CMYA5: variants seen among roughly 807,000 people sequenced by gnomAD.
CMYA5 encodes the protein cardiomyopathy-associated protein 5.
Under a neutral mutation model 318.9 loss-of-function variants are expected in CMYA5, and 246 were observed. That is an observed-to-expected ratio of 0.77 (90% CI 0.70 to 0.86). The LOEUF is 0.86. Among genes scored for constraint, CMYA5 ranks in the 40% least tolerant of loss-of-function variants. CMYA5 has a pLI of 0.00. For synonymous variants in CMYA5, 1,641 were observed against 1,729.5 expected (o/e 0.95, Z 1.27); for missense variants, 4,589 against 4,678.2 (o/e 0.98, Z 0.56).
chr5:79,697,892 A>T (rs1315944929), intron 1 of CMYA5, among the ~76,000 whole-genome samples: 2 of 152,216 alleles, frequency 1.3e-5, no homozygotes, highest in Admixed American at 1.3e-4. Context: ...CTTGACTAGC[A>T]TCTTAGCAAT....
Position 79,694,332 on chromosome 5 carries a change from C to T in CMYA5, c.149+4276C>T, listed in dbSNP as rs147481334. Among the ~76,000 whole-genome samples, 786 of 152,312 alleles carry T rather than the reference C, an allele frequency of 5.2e-3. 5 individuals are homozygous for T. Among genetic ancestry groups the T allele is most frequent in the Non-Finnish European group, 7.5e-3 (507 of 68,030 alleles). On this transcript the variant is annotated intron_variant, in intron 1 of 12. Transcript: ENST00000446378. ...TTTCATTTGACTAATATTTATTTAA[C>T]ACTTACCATGTGCCAAACTCATGGT...
At position 79,731,372 on chromosome 5, in the gene CMYA5, C is replaced by T; in HGVS notation, c.2607C>T (p.Ala869=). The part of the protein sequence containing the change: ...HTTEMTSECQ[A]PPLSATPSEY... ...CCGAGATGACTTCTGAATGCCAGGC[C>T]CCACCACTTTCAGCCACCCCATCTG... The change falls in exon 2 of 13, where the codon GCC becomes GCT. Residue 869 remains alanine, a synonymous_variant. Coordinates refer to ENST00000446378, the MANE Select transcript of CMYA5 (RefSeq NM_153610.5). 6.2e-7 allele frequency: 1 copy of T among 1,613,868 alleles called. No individual in the cohort carries two copies. The highest frequency in any genetic ancestry group is 8.5e-7 in the Non-Finnish European group (1 of 1,179,884).
rs766114000 is a variant in CMYA5 at position 79,729,902 on chromosome 5, A to G, written c.1137A>G (p.Pro379=). The part of the protein sequence containing the change: ...DEAKPHEVEP[P]SVTPDTPATM... ...CAAAACCACATGAAGTGGAACCTCC[A>G]TCTGTGACACCCGACACACCTGCAA... The change falls in exon 2 of 13, where the codon CCA becomes CCG. Residue 379 remains proline (P), a synonymous_variant. Transcript: ENST00000446378. The G allele has an allele frequency of 5.0e-6, 8 of 1,613,266 alleles. No individual in the cohort carries two copies. The highest frequency in any genetic ancestry group is 1.1e-5 in the South Asian group (1 of 91,016).
intron 9 of CMYA5, among the ~76,000 whole-genome samples, chr5:79,773,532 A>G (rs1828890040): frequency 6.6e-6 from 1 of 152,162 alleles, no homozygotes; most frequent in Admixed American, 6.5e-5. Flanking sequence ...TATAGTACTA[A>G]ACTAGCTCCA....
chr5:79,769,022 C>A (rs1022618837), intron 9 of CMYA5, among the ~76,000 whole-genome samples: 1 of 151,840 alleles, frequency 6.6e-6, no homozygotes, highest in African/African-American at 2.4e-5. Flanking sequence ...TAATCTTGTC[C>A]TCATGCTTTA....
chr5:79,720,294 G>A (rs1827595244), intron 1 of CMYA5, among the ~76,000 whole-genome samples: 1 of 151,972 alleles, frequency 6.6e-6, no homozygotes, highest in South Asian at 2.1e-4. Flanking sequence ...GAGGTAGTGG[G>A]GGAAAAAAGT....
rs1829342370 is a variant in CMYA5, at chr5:79,799,839, A to G, written c.*223A>G. 2.6e-6 allele frequency: 1 copy of G among 378,716 alleles called. No homozygotes were observed. The allele number at this position is 378,716 out of a possible 1,614,324, so 23.5% of individuals were successfully genotyped here. Reference sequence around the variant, plus strand: ...ATGAAAACAACAACCTCCACTCTTTAGTTTATATAAGTTTGAGTTCTTTCC... The same window carrying G: ...ATGAAAACAACAACCTCCACTCTTTGGTTTATATAAGTTTGAGTTCTTTCC... On this transcript the variant is annotated 3_prime_UTR_variant, in exon 13 of 13. Coordinates refer to ENST00000446378, the MANE Select transcript of CMYA5 (RefSeq NM_153610.5).
rs771879918 is a variant in CMYA5, at chr5:79,732,127, C to G, written c.3362C>G (p.Pro1121Arg). The change falls in exon 2 of 13, where the codon CCT becomes CGT. Residue 1121 changes from proline (P) to arginine (R), a missense_variant. Coordinates refer to ENST00000446378, the MANE Select transcript of CMYA5 (RefSeq NM_153610.5). ...QKQKTQAYLEPESEDLIPSHL... is the reference protein window; with the variant it reads ...QKQKTQAYLERESEDLIPSHL... ...CAGAAAACTCAAGCATATTTAGAGC[C>G]TGAGTCTGAAGACTTGATTCCTTCA... 6.2e-7 allele frequency: 1 copy of G among 1,613,868 alleles called. No homozygotes were observed. The highest frequency in any genetic ancestry group is 1.1e-5 in the South Asian group (1 of 91,074).
Position 79,799,872 on chromosome 5 carries a change from A to AACAAC in CMYA5, c.*257_*258insCAACA. The stretch of plus-strand genomic sequence containing the variant: ...TAAGTTTGAGTTCTTTCCTAAATTA[A>AACAAC]AAGATCTACACTTGAGTTGGGAACC... On this transcript the variant is annotated 3_prime_UTR_variant, in exon 13 of 13. Transcript: ENST00000446378. The AACAAC allele has an allele frequency of 1.2e-5, 2 of 171,416 alleles. No individual in the cohort carries two copies. Among genetic ancestry groups the AACAAC allele is most frequent in the Non-Finnish European group, 1.1e-5 (1 of 88,590 alleles). 10.6% of individuals were successfully genotyped at this position (171,416 alleles called of 1,614,324 possible). A position where few individuals can be genotyped will look rare whatever the true frequency, so the allele number is the denominator to read the frequency against.
Position 79,752,754 on chromosome 5 carries a change from C to T in CMYA5, c.11070C>T (p.Asp3690=). The T allele has an allele frequency of 6.2e-7, 1 of 1,613,692 alleles. No individual in the cohort carries two copies. The highest frequency in any genetic ancestry group is 8.5e-7 in the Non-Finnish European group (1 of 1,179,678). ...AAFSLFEHYD[D]SSARSDQMLK... ...TTTCCCTTTTCGAACATTATGATGACAGCTCGGCAAGAAGTGACCAGATGT... is the reference window on the plus strand; with the variant it reads ...TTTCCCTTTTCGAACATTATGATGATAGCTCGGCAAGAAGTGACCAGATGT... Residue 3690 remains aspartate, a synonymous_variant, in exon 6 of 13, where the codon GAC becomes GAT. Transcript: ENST00000446378.
chr5:79,796,820 T>C (rs1829284591), intron 12 of CMYA5, among the ~76,000 whole-genome samples: 1 of 149,742 alleles, frequency 6.7e-6, no homozygotes, highest in South Asian at 2.1e-4. Context: ...ATTAGTATTA[T>C]GCATTCATTC....
In CMYA5 at chr5:79,748,087, C is replaced by T. The variant is rs575755531; in HGVS notation, c.10991+974C>T. On this transcript the variant is annotated intron_variant, in intron 5 of 12. Transcript: ENST00000446378. The stretch of plus-strand genomic sequence containing the variant: ...CAGTTAGTTTTTGAAAATAATTTGA[C>T]TTATTGACATTAATCAATAAGTGTT... Among the ~76,000 whole-genome samples, 3 of 152,272 alleles carry T rather than the reference C, an allele frequency of 2.0e-5. No individual in the cohort carries two copies. In the East Asian group the frequency reaches 5.8e-4, roughly 29 times the overall value.
At chr5:79,773,602 T>C (rs1828891137) in intron 9 of CMYA5, among the ~76,000 whole-genome samples, 2 of 152,234 alleles carry the variant, frequency 1.3e-5, no homozygotes, top group African/African-American at 2.4e-5. Flanking sequence ...TTCCATTTGT[T>C]GTGGTTTAGT....
intron 6 of CMYA5, among the ~76,000 whole-genome samples, chr5:79,757,322 T>C (rs1206763691): frequency 2.6e-5 from 4 of 152,238 alleles, no homozygotes; most frequent in African/African-American, 9.6e-5. Context: ...GTTTGATTTA[T>C]GGCATTGCAT....
chr5:79,727,322 T>TG (rs1827769749), intron 1 of CMYA5, among the ~76,000 whole-genome samples: 1 of 152,162 alleles, frequency 6.6e-6, no homozygotes, highest in Admixed American at 6.5e-5. Context: ...AGAATCTCTG[T>TG]GGAGAAGGGT....
intron 9 of CMYA5, chr5:79,774,205 C>A (rs1828900686): frequency 6.6e-6 from 1 of 152,354 alleles, no homozygotes; most frequent in South Asian, 2.1e-4. Flanking sequence ...ATTCCATAAT[C>A]CTCACAGAAA....
At chr5:79,748,620 G>A (rs1828375924) in intron 5 of CMYA5, among the ~76,000 whole-genome samples, 1 of 151,958 alleles carries the variant, frequency 6.6e-6, no homozygotes, top group Non-Finnish European at 1.5e-5. Context: ...TTGGCTCACT[G>A]CAACCTCCAC....
chr5:79,730,783 C>T lies in CMYA5; in HGVS notation c.2018C>T (p.Thr673Ile), dbSNP rs1292823129. ...CAGTCTCCACTGTTTTCAACAGTTACACCAGAATACATGGTCCTATCAGGA... is the reference window on the plus strand; with the variant it reads ...CAGTCTCCACTGTTTTCAACAGTTATACCAGAATACATGGTCCTATCAGGA... Reference protein sequence around the residue: ...ENQSPLFSTVTPEYMVLSGDE... With the variant: ...ENQSPLFSTVIPEYMVLSGDE... Residue 673 changes from threonine to isoleucine, a missense_variant, in exon 2 of 13, where the codon ACA (threonine) becomes ATA (isoleucine). Around this residue, in one of 3 missense-constraint regions of CMYA5, gnomAD observed 2,132 missense variants for 2,131.3 expected, o/e 1.00. Transcript: ENST00000446378. 2 of 1,613,732 alleles carry T rather than the reference C, an allele frequency of 1.2e-6. No individual in the cohort carries two copies. Among genetic ancestry groups the T allele is most frequent in the East Asian group, 2.2e-5 (1 of 44,882 alleles).
intron 1 of CMYA5, among the ~76,000 whole-genome samples, chr5:79,714,116 C>G (rs1409642732): frequency 6.6e-6 from 1 of 152,212 alleles, no homozygotes; most frequent in Admixed American, 6.5e-5. Context: ...ATATGTATCA[C>G]TGGGTTTTAC....
Sources: gnomAD v4.1 joint callset for allele counts (sites outside exome capture counted in the v4.1 genomes callset) on GRCh38, gnomAD v4.1.1 for gene constraint, gnomAD v4.1.1 regional missense constraint, MANE v1.5 for transcripts, NCBI Gene and HGNC (gene_info 2026-07-23, HGNC 2026-07-21) for gene names.